The following SLC24A2 variants were observed in gnomAD, a reference collection of about 807,000 sequenced individuals.
The protein encoded by SLC24A2 is sodium/potassium/calcium exchanger 2.
A neutral mutation model predicts 62.0 loss-of-function variants in SLC24A2; 36 were observed. That is an observed-to-expected ratio of 0.58 (90% confidence interval 0.44 to 0.77). The LOEUF is 0.77. Ranked by LOEUF, SLC24A2 falls within the 30% of genes least tolerant of loss-of-function variation. The pLI, the probability that SLC24A2 is intolerant of heterozygous loss-of-function variation, is 0.00. For synonymous variants in SLC24A2, 358 were observed against 294.0 expected, an observed-to-expected ratio of 1.22 and a Z score of -2.23; for missense variants, 846 against 817.9, an observed-to-expected ratio of 1.03 and a Z score of -0.42.
the SLC24A2 span, among the ~76,000 whole-genome samples, chr9:20,299,342 C>T: frequency 2.0e-5 from 3 of 152,098 alleles, no homozygotes; most frequent in African/African-American, 7.2e-5. Flanking sequence ...ATAGAGCTCT[C>T]GAGCAGGTGG....
intron 6 of SLC24A2, among the ~76,000 whole-genome samples, chr9:19,575,634 T>C (rs926405976): frequency 2.0e-5 from 3 of 152,224 alleles, no homozygotes; most frequent in African/African-American, 7.2e-5. Flanking sequence ...TTCAAAGTCA[T>C]TGAGAGCCCC....
chr9:19,792,692 G>T (rs113716843), upstream of SLC24A2, among the ~76,000 whole-genome samples: 1 of 138,344 alleles, frequency 7.2e-6, no homozygotes, highest in Non-Finnish European at 1.6e-5. Context: ...TGGGAAACAA[G>T]AACAAAACTC....
Position 19,513,155 on chromosome 9 carries a change from TA to T in SLC24A2, c.*2997del, listed in dbSNP as rs1413741380. On this transcript the variant is annotated 3_prime_UTR_variant, in exon 11 of 11. Transcript: ENST00000341998. ...TGTACATATAGATCTGGTATAAAGA[TA>T]TATATATATATATATATATGTATAT... 9.7e-4 allele frequency: 54 copies of T among 55,822 alleles called. No individual in the cohort carries two copies. Among genetic ancestry groups the T allele is most frequent in the African/African-American group, 3.6e-3 (53 of 14,892 alleles). The allele number at this position is 55,822 out of a possible 1,614,324, so 3.5% of individuals were successfully genotyped here.
At chr9:19,848,086 G>T in the SLC24A2 span, among the ~76,000 whole-genome samples, 1 of 152,080 alleles carries the variant, frequency 6.6e-6, no homozygotes, top group African/African-American at 2.4e-5. Context: ...ATAATTTCTT[G>T]CCTTATTATT....
the SLC24A2 span, among the ~76,000 whole-genome samples, chr9:20,001,330 T>C: frequency 6.6e-6 from 1 of 152,190 alleles, no homozygotes; most frequent in East Asian, 1.9e-4. Context: ...CCTGGCACTC[T>C]ATTTTGGCTC....
At chr9:19,827,471 C>G in the SLC24A2 span, among the ~76,000 whole-genome samples, 341 of 151,696 alleles carry the variant, frequency 2.2e-3, no homozygotes, top group Non-Finnish European at 3.7e-3. Flanking sequence ...GAAGAAAGAG[C>G]AAATACTTAC....
chr9:19,719,489 T>C (rs554393449), intron 2 of SLC24A2, among the ~76,000 whole-genome samples: 3 of 152,162 alleles, frequency 2.0e-5, no homozygotes, highest in African/African-American at 7.2e-5. Flanking sequence ...TTGTACAGAG[T>C]GAGAGCTGAG....
chr9:20,077,228 C>A, the SLC24A2 span, among the ~76,000 whole-genome samples: 1 of 151,808 alleles, frequency 6.6e-6, no homozygotes, highest in Non-Finnish European at 1.5e-5. Flanking sequence ...TAATATAGAA[C>A]ACACAGACTA....
At chr9:20,214,481 G>C in the SLC24A2 span, among the ~76,000 whole-genome samples, 2 of 152,122 alleles carry the variant, frequency 1.3e-5, no homozygotes, top group African/African-American at 4.8e-5. Context: ...TGGGCATTGT[G>C]GTGGGCCCCT....
At chr9:19,761,192 G>C (rs913797327) in intron 2 of SLC24A2, among the ~76,000 whole-genome samples, 2 of 152,148 alleles carry the variant, frequency 1.3e-5, no homozygotes, top group African/African-American at 4.8e-5. Context: ...AGATTGCTGG[G>C]TCAAATGGTA....
chr9:19,901,662 A>C, the SLC24A2 span, among the ~76,000 whole-genome samples: 1 of 152,226 alleles, frequency 6.6e-6, no homozygotes, highest in Non-Finnish European at 1.5e-5. Flanking sequence ...TGGAGACTTA[A>C]TATTGTAGTA....
At chr9:20,140,509 G>A in the SLC24A2 span, among the ~76,000 whole-genome samples, 1 of 152,134 alleles carries the variant, frequency 6.6e-6, no homozygotes, top group African/African-American at 2.4e-5. Context: ...ATAGACCATT[G>A]TATTTACAGC....
At chr9:19,605,919 G>A (rs747347963) in intron 4 of SLC24A2, among the ~76,000 whole-genome samples, 2 of 152,218 alleles carry the variant, frequency 1.3e-5, no homozygotes, top group African/African-American at 4.8e-5. Flanking sequence ...AACCAAGGTG[G>A]CTGGCTCCTC....
the SLC24A2 span, among the ~76,000 whole-genome samples, chr9:20,147,985 T>C: frequency 6.6e-6 from 1 of 152,110 alleles, no homozygotes; most frequent in African/African-American, 2.4e-5. Context: ...ATTATTGTCA[T>C]TGACATATTA....
At chr9:20,019,107 A>AAGAG in the SLC24A2 span, among the ~76,000 whole-genome samples, 1 of 30,208 alleles carries the variant, frequency 3.3e-5, no homozygotes, top group African/African-American at 2.6e-4. Flanking sequence ...GAAAGATAGA[A>AAGAG]AGAAAGAAAG....
At chr9:20,251,756 C>G in the SLC24A2 span, among the ~76,000 whole-genome samples, 1 of 152,118 alleles carries the variant, frequency 6.6e-6, no homozygotes, top group Non-Finnish European at 1.5e-5. Flanking sequence ...TAAGATGGTT[C>G]CAGGGATGGG....
At chr9:20,287,819 G>T in the SLC24A2 span, among the ~76,000 whole-genome samples, 1 of 152,096 alleles carries the variant, frequency 6.6e-6, no homozygotes, top group Non-Finnish European at 1.5e-5. Context: ...TAATTCTTCA[G>T]TCTCAGTTCA....
the SLC24A2 span, among the ~76,000 whole-genome samples, chr9:20,149,694 G>C: frequency 6.6e-6 from 1 of 151,764 alleles, no homozygotes; most frequent in Non-Finnish European, 1.5e-5. Context: ...CTTTTCTTTT[G>C]ACTTTTTCCA....
At chr9:20,216,603 CT>C in the SLC24A2 span, among the ~76,000 whole-genome samples, 4 of 152,088 alleles carry the variant, frequency 2.6e-5, no homozygotes, top group Non-Finnish European at 4.4e-5. Flanking sequence ...TTCTGACCCT[CT>C]TTTATTATCA....
Sources: allele counts gnomAD v4.1 joint callset (sites outside exome capture counted in the v4.1 genomes callset), GRCh38; gene constraint gnomAD v4.1.1; transcripts MANE v1.5; gene names NCBI Gene and HGNC (gene_info 2026-07-23, HGNC 2026-07-21).